The following ZNF253 variants were observed in gnomAD, a reference collection of about 807,000 sequenced individuals.
The protein encoded by ZNF253 is DNA-binding protein.
ZNF253 carries 8 observed loss-of-function variants against 11.9 expected under a neutral mutation model. The ratio of observed to expected loss-of-function variants is 0.67; its 90% CI spans 0.40 to 1.22. The LOEUF (loss-of-function observed/expected upper bound fraction) is 1.22. ZNF253 is among the 50% of genes most tolerant of loss of function. The pLI is 0.01. For missense variants in ZNF253, 485 were observed against 586.9 expected (o/e 0.83, Z 1.79); for synonymous variants, 194 against 194.9 (o/e 1.00, Z 0.04).
intron 1 of ZNF253, among the ~76,000 whole-genome samples, chr19:19,869,434 G>A (rs966957050): frequency 1.3e-5 from 2 of 151,570 alleles, no homozygotes; most frequent in African/African-American, 2.4e-5. Context: ...GTTTGATCTC[G>A]GCTCAGGCAA....
chr19:19,884,917 A>T (rs1442886451), intron 3 of ZNF253, among the ~76,000 whole-genome samples: 1 of 152,048 alleles, frequency 6.6e-6, no homozygotes, highest in African/African-American at 2.4e-5. Flanking sequence ...TTTCAAATGC[A>T]TTTTCCAATT....
chr19:19,885,633 C>T (rs191293134), intron 3 of ZNF253, among the ~76,000 whole-genome samples: 114 of 151,914 alleles, frequency 7.5e-4, no homozygotes, highest in Non-Finnish European at 1.3e-3. Flanking sequence ...CCTCATGATC[C>T]GTCCGCCTCG....
chr19:19,885,159 A>G (rs567596813), intron 3 of ZNF253, among the ~76,000 whole-genome samples: 1 of 152,028 alleles, frequency 6.6e-6, no homozygotes, highest in Non-Finnish European at 1.5e-5. Flanking sequence ...TTGCTCATAC[A>G]TTTAATGTCG....
At position 19,892,001 on chromosome 19, in the gene ZNF253, G is replaced by A; in HGVS notation, c.754G>A (p.Gly252Arg). Residue 252 changes from glycine (G) to arginine (R), a missense_variant, in exon 4 of 4, where the codon GGA becomes AGA. Gly to Arg is a moderately radical substitution (Grantham distance 125, BLOSUM62 -2). Around this residue, in one of 3 missense-constraint regions of ZNF253, gnomAD observed 232 missense variants for 321.4 expected, o/e 0.72. Transcript: ENST00000589717. ...TACTACACATAAGAAAATTCATACT[G>A]GAGAGAAACCCTACAAATGTGAAGA... ...NLTTHKKIHT[G>R]EKPYKCEECG... The A allele has an allele frequency of 6.2e-7, 1 of 1,613,502 alleles. No homozygotes were observed. The highest frequency in any genetic ancestry group is 8.5e-7 in the Non-Finnish European group (1 of 1,179,936).
intron 2 of ZNF253, 37 bp downstream of exon 2, chr19:19,878,644 C>G (rs546133308): frequency 6.4e-7 from 1 of 1,563,046 alleles, no homozygotes; most frequent in Admixed American, 2.0e-5. Context: ...ATAATATACC[C>G]TGAAGATTTT....
intron 1 of ZNF253, among the ~76,000 whole-genome samples, chr19:19,866,315 T>A (rs1368835888): frequency 6.6e-6 from 1 of 151,908 alleles, no homozygotes; most frequent in Non-Finnish European, 1.5e-5. Flanking sequence ...TCCCTGCGGG[T>A]TCATGAATGG....
chr19:19,892,718 GT>G lies in ZNF253; in HGVS notation c.1473del (p.Pro492LeufsTer4), dbSNP rs1568502508. On this transcript the variant is annotated frameshift_variant, in exon 4 of 4. Transcript: ENST00000589717. LOFTEE classifies it low-confidence loss of function (END_TRUNC). ...IVKNVTDLLN[V>X]PPLLISIR The stretch of plus-strand genomic sequence containing the variant: ...GAAGAATGTGACAGATCTTTTAAAT[GT>G]TCCTCCACTTTTAATTAGCATAAGA... 6.3e-7 allele frequency: 1 copy of G among 1,596,010 alleles called. No individual in the cohort carries two copies.
intron 3 of ZNF253, among the ~76,000 whole-genome samples, chr19:19,881,901 A>G (rs550928925): frequency 6.6e-6 from 1 of 152,006 alleles, no homozygotes; most frequent in Non-Finnish European, 1.5e-5. Context: ...TTAAAATAGA[A>G]GCATCGGCTG....
chr19:19,877,253 C>A (rs1221265355), intron 1 of ZNF253, among the ~76,000 whole-genome samples: 1 of 152,190 alleles, frequency 6.6e-6, no homozygotes, highest in Non-Finnish European at 1.5e-5. Flanking sequence ...CTAAAAGTTA[C>A]AGAACATAGG....
At position 19,878,495 on chromosome 19, in the gene ZNF253, T is replaced by C. The variant is rs2063164691; in HGVS notation, c.18T>C (p.Phe6=). The C allele has an allele frequency of 6.8e-6, 11 of 1,613,872 alleles. No homozygotes were observed. The highest frequency in any genetic ancestry group is 7.6e-6 in the Non-Finnish European group (9 of 1,179,954). Residue 6 remains phenylalanine (F), a synonymous_variant, in exon 2 of 4, where the codon TTT becomes TTC. Transcript: ENST00000589717. Reference sequence around the variant, plus strand: ...GTGTTTTCCAGGGACCATTGCAATTTAGAGATGTGGCCATAGAATTCTCTC... The same window carrying C: ...GTGTTTTCCAGGGACCATTGCAATTCAGAGATGTGGCCATAGAATTCTCTC... MGPLQ[F]RDVAIEFSLE... is the part of the protein sequence containing the mutation.
chr19:19,886,564 C>CT (rs1196274304), intron 3 of ZNF253, among the ~76,000 whole-genome samples: 1 of 152,158 alleles, frequency 6.6e-6, no homozygotes, highest in African/African-American at 2.4e-5. Context: ...TAACCAAAAA[C>CT]TTTTCACTCT....
chr19:19,886,741 A>C (rs1408585523), intron 3 of ZNF253, among the ~76,000 whole-genome samples: 1 of 152,244 alleles, frequency 6.6e-6, no homozygotes, highest in African/African-American at 2.4e-5. Context: ...CTTCTTATAC[A>C]GTCTGCCAAA....
chr19:19,874,860 C>T (rs1462952235), intron 1 of ZNF253, among the ~76,000 whole-genome samples: 2 of 152,016 alleles, frequency 1.3e-5, no homozygotes, highest in Non-Finnish European at 2.9e-5. Context: ...TGCAGTTAGC[C>T]GAGATCGCGC....
chr19:19,866,061 C>G, intron 1 of ZNF253, 62 bp downstream of exon 1: 2 of 1,609,010 alleles, frequency 1.2e-6, no homozygotes, highest in Middle Eastern at 1.7e-4. Context: ...TGGGAAGTGG[C>G]TCTGGCGGGA....
intron 1 of ZNF253, among the ~76,000 whole-genome samples, chr19:19,870,264 C>A (rs902955364): frequency 6.6e-6 from 1 of 151,614 alleles, no homozygotes; most frequent in African/African-American, 2.4e-5. Context: ...TGGTGGCACG[C>A]GCCTGTAATC....
chr19:19,870,119 G>A (rs993386514), intron 1 of ZNF253, among the ~76,000 whole-genome samples: 15 of 151,928 alleles, frequency 9.9e-5, no homozygotes, highest in African/African-American at 2.9e-4. Context: ...ATACATTGCC[G>A]AGTGCAGTGG....
intron 3 of ZNF253, among the ~76,000 whole-genome samples, chr19:19,885,535 C>T (rs755361747): frequency 6.6e-6 from 1 of 151,592 alleles, no homozygotes; most frequent in Non-Finnish European, 1.5e-5. Context: ...GGACTATGGG[C>T]GCCCGCCACC....
chr19:19,865,862 C>G (rs2063108044), upstream of ZNF253: 2 of 1,184,042 alleles, frequency 1.7e-6, no homozygotes, highest in Admixed American at 1.7e-5. Context: ...CTTTGTTTCT[C>G]GCTGCAGCGG....
Position 19,891,758 on chromosome 19 carries a change from C to A in ZNF253, c.511C>A (p.Leu171Ile), listed in dbSNP as rs200085854. 376 of 1,614,074 alleles carry A rather than the reference C, an allele frequency of 2.3e-4. No homozygotes were observed. In the African/African-American group the frequency reaches 3.3e-3, roughly 14 times the overall value. Reference sequence around the variant, plus strand: ...TAAGACAAGACATACTGGAATAAATCTTTTCAAATGTATAATATGTGGCAA... The same window carrying A: ...TAAGACAAGACATACTGGAATAAATATTTTCAAATGTATAATATGTGGCAA... ...TYKTRHTGIN[L>I]FKCIICGKAF... Residue 171 changes from leucine to isoleucine, a missense_variant, in exon 4 of 4, where the codon CTT (leucine) becomes ATT (isoleucine). Physicochemically the swap from Leu to Ile is conservative, Grantham distance 5. This residue lies in a region of ZNF253 where 218 missense variants were observed against 213.1 expected (regional missense o/e 1.02). Coordinates refer to ENST00000589717, the MANE Select transcript of ZNF253 (RefSeq NM_021047.3).
Sources: gnomAD v4.1 joint callset for allele counts (sites outside exome capture counted in the v4.1 genomes callset) on GRCh38, gnomAD v4.1.1 for gene constraint, gnomAD v4.1.1 regional missense constraint, MANE v1.5 for transcripts, NCBI Gene and HGNC (gene_info 2026-07-23, HGNC 2026-07-21) for gene names.